Variants in MINDY4B observed in about 807,000 individuals in gnomAD.
MINDY4B encodes the protein MINDY family member 4B.
In MINDY4B, 25 loss-of-function variants were observed where a neutral mutation model predicts 16.7. The observed-to-expected ratio is 1.49, with a 90% CI of 1.09 to 2.09. The LOEUF is 2.09. MINDY4B is among the 30% of genes most tolerant of loss of function. The probability of loss-of-function intolerance (pLI) is 0.00; values close to 1 mark genes in which losing one functional copy is unlikely to be tolerated. For missense variants in MINDY4B, 327 were observed against 168.4 expected, an observed-to-expected ratio of 1.94 and a Z score of -5.21; for synonymous variants, 132 against 61.9, an observed-to-expected ratio of 2.13 and a Z score of -5.32.
At chr3:150,888,037 G>T (rs1288059190) in intron 7 of MINDY4B, among the ~76,000 whole-genome samples, 2 of 152,074 alleles carry the variant, frequency 1.3e-5, no homozygotes, top group African/African-American at 4.8e-5. Context: ...AACCCGGGAG[G>T]CGGAGGTTGC....
intron 2 of MINDY4B, among the ~76,000 whole-genome samples, chr3:150,904,393 T>C (rs1263541379): frequency 6.6e-6 from 1 of 152,218 alleles, no homozygotes; most frequent in Non-Finnish European, 1.5e-5. Flanking sequence ...AGACTTTTGA[T>C]CATAGGCTAC....
intron 1 of MINDY4B, 97 bp downstream of exon 1, chr3:150,905,230 T>C: frequency 2.5e-6 from 1 of 398,226 alleles, no homozygotes; most frequent in Non-Finnish European, 4.4e-6. Context: ...GGTAAATCTA[T>C]AAAGGAAATT....
At chr3:150,880,702 G>C (rs1407960974) in intron 10 of MINDY4B, among the ~76,000 whole-genome samples, 3 of 152,148 alleles carry the variant, frequency 2.0e-5, no homozygotes, top group Admixed American at 1.3e-4. Context: ...ATAATCTTAT[G>C]AAAGAGCTTT....
At chr3:150,893,149 C>T (rs886194124) in intron 5 of MINDY4B, among the ~76,000 whole-genome samples, 175 bp downstream of exon 5, 2 of 152,282 alleles carry the variant, frequency 1.3e-5, no homozygotes, top group Admixed American at 6.5e-5. Flanking sequence ...CAGAATGACT[C>T]CAGCAGAGCC....
At chr3:150,892,359 G>A (rs1319164947) in intron 5 of MINDY4B, among the ~76,000 whole-genome samples, 1 of 152,190 alleles carries the variant, frequency 6.6e-6, no homozygotes, top group Non-Finnish European at 1.5e-5. Flanking sequence ...GTTTTCTCCT[G>A]AGGGCACTCC....
chr3:150,897,950 A>C (rs1712020339), intron 3 of MINDY4B, among the ~76,000 whole-genome samples: 1 of 152,234 alleles, frequency 6.6e-6, no homozygotes, highest in Non-Finnish European at 1.5e-5. Context: ...TGCACAGCAC[A>C]GAAAGACTGC....
chr3:150,905,221 G>A lies in MINDY4B; in HGVS notation c.113+106C>T, dbSNP rs936361894. ...TAGTTATGCCTGAAGCATTTTAAAG[G>A]TAAATCTATAAAGGAAATTTCTCAT... On this transcript the variant is annotated intron_variant, in intron 1 of 11. Coordinates refer to ENST00000465419, the MANE Select transcript of MINDY4B (RefSeq NM_001351281.2). 20 of 398,212 alleles carry A rather than the reference G, an allele frequency of 5.0e-5. No individual in the cohort carries two copies. In the South Asian group the frequency reaches 5.2e-4, roughly 10 times the overall value. The allele number at this position is 398,212 out of a possible 1,614,324, so 24.7% of individuals were successfully genotyped here.
chr3:150,890,146 G>C (rs1711760296), intron 7 of MINDY4B, among the ~76,000 whole-genome samples, 174 bp downstream of exon 7: 1 of 152,168 alleles, frequency 6.6e-6, no homozygotes, highest in African/African-American at 2.4e-5. Context: ...CCTCTTTCTA[G>C]GTTGTGAGGA....
At chr3:150,897,055 C>CCACAGTCTGCCA (rs1711990939) in intron 3 of MINDY4B, among the ~76,000 whole-genome samples, 1 of 152,130 alleles carries the variant, frequency 6.6e-6, no homozygotes, top group Non-Finnish European at 1.5e-5. Flanking sequence ...ACTGTACTGT[C>CCACAGTCTGCCA]CTTTTCTCTG....
At chr3:150,873,080 A>G in intron 11 of MINDY4B, 107 bp downstream of exon 11, 1 of 590,056 alleles carries the variant, frequency 1.7e-6, no homozygotes, top group East Asian at 2.8e-5. Flanking sequence ...GAGCCTAAGC[A>G]TTTTCCTGTG....
chr3:150,904,786 G>C (rs1031751562), intron 2 of MINDY4B, among the ~76,000 whole-genome samples: 8 of 152,102 alleles, frequency 5.3e-5, no homozygotes, highest in African/African-American at 1.9e-4. Context: ...CACAAATGTG[G>C]GAACTTTCGA....
At chr3:150,880,395 G>A (rs765302057) in intron 10 of MINDY4B, among the ~76,000 whole-genome samples, 1 of 152,164 alleles carries the variant, frequency 6.6e-6, no homozygotes, top group Non-Finnish European at 1.5e-5. Context: ...ATGGTACAAG[G>A]AGACTTCTAC....
intron 3 of MINDY4B, among the ~76,000 whole-genome samples, chr3:150,896,884 T>G (rs1711985981): frequency 6.6e-6 from 1 of 152,184 alleles, no homozygotes; most frequent in African/African-American, 2.4e-5. Context: ...CATAACTTCC[T>G]TCAATGGAAA....
Position 150,888,833 on chromosome 3 carries a change from G to A in MINDY4B, c.753+1487C>T, listed in dbSNP as rs113749903. Among the ~76,000 whole-genome samples the A allele has an allele frequency of 1.1e-4, 17 of 152,220 alleles. No individual in the cohort carries two copies. The East Asian group carries it at 2.5e-3, about 23-fold the overall frequency. ...CAGCTCTGATCCTCTGATCTCAACC[G>A]TGGCTACGTTTAAGAATTTCTTGCA... is the stretch of plus-strand genomic sequence containing the variant. On this transcript the variant is annotated intron_variant, in intron 7 of 11. Transcript: ENST00000465419.
intron 3 of MINDY4B, among the ~76,000 whole-genome samples, chr3:150,897,985 C>T (rs1408562481): frequency 6.6e-6 from 1 of 152,190 alleles, no homozygotes; most frequent in African/African-American, 2.4e-5. Flanking sequence ...CAAAGAAGCC[C>T]CAGTTCTGCT....
intron 3 of MINDY4B, among the ~76,000 whole-genome samples, chr3:150,894,963 T>C (rs796068414): frequency 7.9e-5 from 12 of 152,312 alleles, no homozygotes; most frequent in African/African-American, 2.9e-4. Context: ...TAAAAAGTAC[T>C]ATGAGAAAAC....
At chr3:150,877,578 A>G (rs1023605625) in intron 10 of MINDY4B, among the ~76,000 whole-genome samples, 1 of 152,116 alleles carries the variant, frequency 6.6e-6, no homozygotes, top group Non-Finnish European at 1.5e-5. Context: ...GCATGTCTCT[A>G]AGCACCACTG....
At chr3:150,892,727 C>A (rs894388745) in intron 5 of MINDY4B, among the ~76,000 whole-genome samples, 2 of 151,308 alleles carry the variant, frequency 1.3e-5, no homozygotes, top group African/African-American at 4.9e-5. Flanking sequence ...GGCAAATCAC[C>A]TGAGGTCAGG....
intron 7 of MINDY4B, among the ~76,000 whole-genome samples, chr3:150,888,989 T>G (rs1249159495): frequency 6.6e-6 from 1 of 152,214 alleles, no homozygotes; most frequent in Non-Finnish European, 1.5e-5. Context: ...GGATCCTCTA[T>G]ATCTGTGTAA....
Sources: gnomAD v4.1 joint callset for allele counts (sites outside exome capture counted in the v4.1 genomes callset) on GRCh38, gnomAD v4.1.1 for gene constraint, MANE v1.5 for transcripts, NCBI Gene and HGNC (gene_info 2026-07-23, HGNC 2026-07-21) for gene names.